The following RCBTB1 variants were observed in gnomAD, a reference collection of about 807,000 sequenced individuals.
RCBTB1 encodes the protein RCC1 and BTB domain-containing protein 1.
Under a neutral mutation model 62.4 loss-of-function variants are expected in RCBTB1, and 46 were observed. The ratio of observed to expected loss-of-function variants is 0.74; its 90% CI spans 0.58 to 0.94. The LOEUF (loss-of-function observed/expected upper bound fraction) is 0.94, where lower values mean the gene tolerates loss of function less well. Ranked by LOEUF, RCBTB1 falls within the 40% of genes least tolerant of loss-of-function variation. The pLI, the probability that RCBTB1 is intolerant of heterozygous loss-of-function variation, is 0.00. For missense variants in RCBTB1, 565 were observed against 654.9 expected (o/e 0.86, Z 1.50); for synonymous variants, 222 against 245.8 (o/e 0.90, Z 0.91).
At chr13:49,570,149 C>A (rs1330021381) in intron 2 of RCBTB1, among the ~76,000 whole-genome samples, 1 of 152,138 alleles carries the variant, frequency 6.6e-6, no homozygotes. Flanking sequence ...TATGACTCAC[C>A]ACCTTTAAAA....
chr13:49,554,289 G>A (rs1961655611), intron 6 of RCBTB1, among the ~76,000 whole-genome samples: 1 of 152,030 alleles, frequency 6.6e-6, no homozygotes, highest in Non-Finnish European at 1.5e-5. Context: ...TATTTTATCT[G>A]TTTCACTTGT....
At chr13:49,535,749 G>A (rs577065274) in intron 12 of RCBTB1, among the ~76,000 whole-genome samples, 64 of 152,284 alleles carry the variant, frequency 4.2e-4, no homozygotes, top group Non-Finnish European at 2.5e-4. Flanking sequence ...CACAGGCCAG[G>A]CGTGGTGGCT....
At chr13:49,567,970 G>GA (rs1391018146) in intron 2 of RCBTB1, among the ~76,000 whole-genome samples, 3 of 151,990 alleles carry the variant, frequency 2.0e-5, no homozygotes, top group Non-Finnish European at 2.9e-5. Context: ...ATGAAAATGG[G>GA]AAAAAAACTT....
chr13:49,545,035 A>G (rs1960688879), intron 9 of RCBTB1, among the ~76,000 whole-genome samples, 172 bp from the exon 10 acceptor site: 1 of 152,080 alleles, frequency 6.6e-6, no homozygotes, highest in African/African-American at 2.4e-5. Context: ...AGTATCCTGC[A>G]TCTATAAACT....
chr13:49,565,548 G>GC (rs958996723), intron 4 of RCBTB1, among the ~76,000 whole-genome samples: 1 of 145,194 alleles, frequency 6.9e-6, no homozygotes, highest in Non-Finnish European at 1.5e-5. Flanking sequence ...CTTCCCGGCC[G>GC]CCACCCCATC....
At chr13:49,534,772 G>A (rs1354490390) in intron 12 of RCBTB1, among the ~76,000 whole-genome samples, 1 of 152,208 alleles carries the variant, frequency 6.6e-6, no homozygotes, top group East Asian at 1.9e-4. Context: ...GGTGGCTCAC[G>A]CCTGTAATCC....
chr13:49,578,876 A>T (rs1340710820), intron 2 of RCBTB1, among the ~76,000 whole-genome samples: 1 of 152,198 alleles, frequency 6.6e-6, no homozygotes, highest in Non-Finnish European at 1.5e-5. Context: ...GGGTATGACA[A>T]TCTTTATTTC....
At chr13:49,546,353 C>G (rs2139154617) in intron 9 of RCBTB1, 1 of 985,342 alleles carries the variant, frequency 1.0e-6, no homozygotes, top group East Asian at 1.1e-4. Flanking sequence ...TTTTGACTTT[C>G]AGTGGGTGGA....
intron 2 of RCBTB1, among the ~76,000 whole-genome samples, chr13:49,578,077 C>T (rs1018367100): frequency 2.0e-5 from 3 of 152,146 alleles, no homozygotes; most frequent in Non-Finnish European, 4.4e-5. Flanking sequence ...CTAATGTGAA[C>T]AAAATCCAGT....
At chr13:49,540,284 C>CA (rs1434178367) in intron 12 of RCBTB1, among the ~76,000 whole-genome samples, 21 of 152,202 alleles carry the variant, frequency 1.4e-4, no homozygotes, top group Admixed American at 9.2e-4. Flanking sequence ...TTTGGTTCTT[C>CA]AAAAAAATGC....
At chr13:49,566,861 C>T in intron 3 of RCBTB1, 93 bp from the exon 4 acceptor site, 1 of 1,233,318 alleles carries the variant, frequency 8.1e-7, no homozygotes, top group Non-Finnish European at 1.1e-6. Flanking sequence ...ATTTCAACTA[C>T]AGAGCTCAGG....
rs755449340 is a variant in RCBTB1, at chr13:49,580,492, G to A, written c.-42+13C>T. The A allele has an allele frequency of 1.3e-5, 2 of 151,860 alleles. No homozygotes were observed. The highest frequency in any genetic ancestry group is 2.9e-5 in the Non-Finnish European group (2 of 68,110). The allele number at this position is 151,860 out of a possible 1,614,324, so 9.4% of individuals were successfully genotyped here. A position where few individuals can be genotyped will look rare whatever the true frequency, so the allele number is the denominator to read the frequency against. ...AGTCCCAGCTACTCAAGAGGCTGAGGTGGGAGGATCACCTGAGTCCAGGAG... is the reference window on the plus strand; with the variant it reads ...AGTCCCAGCTACTCAAGAGGCTGAGATGGGAGGATCACCTGAGTCCAGGAG... On this transcript the variant is annotated intron_variant, in intron 2 of 12. Transcript: ENST00000378302.
chr13:49,543,939 G>C (rs934208924), intron 10 of RCBTB1, among the ~76,000 whole-genome samples: 3 of 152,014 alleles, frequency 2.0e-5, no homozygotes, highest in South Asian at 2.1e-4. Context: ...TTCCCGCCTT[G>C]GCCTCCCAAA....
chr13:49,559,543 C>T (rs1382775830), intron 5 of RCBTB1, among the ~76,000 whole-genome samples: 4 of 150,480 alleles, frequency 2.7e-5, no homozygotes, highest in Non-Finnish European at 5.9e-5. Context: ...GTAGTCCCAG[C>T]TACTTGGGAG....
In RCBTB1 at chr13:49,566,714, T is replaced by A; in HGVS notation, c.181A>T (p.Ser61Cys). The A allele has an allele frequency of 3.1e-6, 5 of 1,613,994 alleles. No individual in the cohort carries two copies. Among genetic ancestry groups the A allele is most frequent in the Non-Finnish European group, 4.2e-6 (5 of 1,179,820 alleles). The change falls in exon 4 of 13, where the codon AGT becomes TGT. Residue 61 changes from serine to cysteine, a missense_variant. Physicochemically the swap from Ser to Cys is moderately radical, Grantham distance 112. Coordinates refer to ENST00000378302, the MANE Select transcript of RCBTB1 (RefSeq NM_018191.4). The stretch of plus-strand genomic sequence containing the variant: ...TCTAGCTTTTTGGGTACAAGTGTAC[T>A]CTGGTTATCTCCAGTTCCTAGACAG... The part of the protein sequence containing the change: ...SNCLGTGDNQ[S>C]TLVPKKLEGL...
chr13:49,585,077 G>A (rs1964319075), intron 1 of RCBTB1, among the ~76,000 whole-genome samples: 2 of 152,218 alleles, frequency 1.3e-5, no homozygotes, highest in Non-Finnish European at 2.9e-5. Context: ...AATAGGAAGA[G>A]TCGGAGGGGA....
In RCBTB1 at chr13:49,585,517, G is replaced by A. The variant is rs1195452871; in HGVS notation, c.-195C>T. 1 of 152,190 alleles carries A rather than the reference G, an allele frequency of 6.6e-6. No individual in the cohort carries two copies. The highest frequency in any genetic ancestry group is 1.9e-4 in the East Asian group (1 of 5,172). The allele number at this position is 152,190 out of a possible 1,614,324, so 9.4% of individuals were successfully genotyped here. On this transcript the variant is annotated 5_prime_UTR_variant, in exon 1 of 13. Transcript: ENST00000378302. ...CCGAAGCTCCAATGGGCGCAGAAGT[G>A]CGAGCGAGCGGCGGTGCCCACCGGC...
intron 9 of RCBTB1, chr13:49,546,339 A>C: frequency 1.0e-6 from 1 of 985,302 alleles, no homozygotes; most frequent in Non-Finnish European, 1.2e-6. Context: ...GAGGGAAAAA[A>C]CACTTTTGAC....
rs532659052 is a variant in RCBTB1, at chr13:49,541,403, T to A, written c.1324+273A>T. Among the ~76,000 whole-genome samples, 10 of 150,724 alleles carry A rather than the reference T, an allele frequency of 6.6e-5. No individual in the cohort carries two copies. The South Asian group carries it at 2.1e-3, about 32-fold the overall frequency. Reference sequence around the variant, plus strand: ...TTTACCTATGTAACAAGCCTACACATCCTGCACGTGTACCCCAGAACTTAA... The same window carrying A: ...TTTACCTATGTAACAAGCCTACACAACCTGCACGTGTACCCCAGAACTTAA... On this transcript the variant is annotated intron_variant, in intron 11 of 12. Transcript: ENST00000378302.
Sources: allele counts gnomAD v4.1 joint callset (sites outside exome capture counted in the v4.1 genomes callset), GRCh38; gene constraint gnomAD v4.1.1; transcripts MANE v1.5; gene names NCBI Gene and HGNC (gene_info 2026-07-23, HGNC 2026-07-21).